COL15A1: variants seen among roughly 807,000 people sequenced by gnomAD.
COL15A1 encodes collagen type XV alpha 1 chain, also known as collagen alpha-1(XV) chain.
In COL15A1, 111 loss-of-function variants were observed where a neutral mutation model predicts 165.9. The ratio of observed to expected loss-of-function variants is 0.67; its 90% confidence interval spans 0.57 to 0.78. The LOEUF (loss-of-function observed/expected upper bound fraction) is 0.78. Ranked by LOEUF, COL15A1 falls within the 30% of genes least tolerant of loss-of-function variation. The probability of loss-of-function intolerance (pLI) is 0.00; values close to 1 mark genes in which losing one functional copy is unlikely to be tolerated. For synonymous variants in COL15A1, 659 were observed against 674.8 expected (o/e 0.98, Z 0.36); for missense variants, 1,745 against 1,789.7 (o/e 0.98, Z 0.45).
intron 2 of COL15A1, among the ~76,000 whole-genome samples, chr9:98,953,058 G>T (rs536520490): frequency 3.9e-5 from 6 of 152,320 alleles, no homozygotes; most frequent in Non-Finnish European, 7.4e-5. Flanking sequence ...TAGATAATGG[G>T]AGTGTACCAG....
At chr9:99,054,071 C>T (rs1187413565) in intron 31 of COL15A1, among the ~76,000 whole-genome samples, 1 of 152,208 alleles carries the variant, frequency 6.6e-6, no homozygotes, top group Admixed American at 6.5e-5. Flanking sequence ...GGATGTACAA[C>T]ACTTCATGGT....
intron 9 of COL15A1, among the ~76,000 whole-genome samples, chr9:99,008,526 A>G (rs1209116969): frequency 6.6e-6 from 1 of 152,252 alleles, no homozygotes; most frequent in Non-Finnish European, 1.5e-5. Flanking sequence ...CTATATTGTA[A>G]GTTAAGAATA....
At chr9:98,993,688 G>A (rs1204033004) in intron 5 of COL15A1, among the ~76,000 whole-genome samples, 1 of 152,172 alleles carries the variant, frequency 6.6e-6, no homozygotes, top group African/African-American at 2.4e-5. Context: ...GGTCCAGAGT[G>A]CACTCAGTCA....
rs1168625942 is a variant in COL15A1, at chr9:98,996,360, C to T, written c.805-574C>T. Among the ~76,000 whole-genome samples, 12 of 152,244 alleles carry T rather than the reference C, an allele frequency of 7.9e-5. No homozygotes were observed. The East Asian group carries it at 1.3e-3, about 17-fold the overall frequency. On this transcript the variant is annotated intron_variant, in intron 5 of 41. Transcript: ENST00000375001. Reference sequence around the variant, plus strand: ...TTTGGAGCCCATGCTAGGATTTCTGCGTAGATCACTGAAGCACTCTGTGTT... The same window carrying T: ...TTTGGAGCCCATGCTAGGATTTCTGTGTAGATCACTGAAGCACTCTGTGTT...
Position 99,009,919 on chromosome 9 carries a change from A to T in COL15A1, c.1353+4869A>T, listed in dbSNP as rs367588930. Reference sequence around the variant, plus strand: ...GCTCCAAGAAAACCTTGTTAATCTGACACAGGGGCCAATATGCTGGTCTTG... The same window carrying T: ...GCTCCAAGAAAACCTTGTTAATCTGTCACAGGGGCCAATATGCTGGTCTTG... On this transcript the variant is annotated intron_variant, in intron 9 of 41. Transcript: ENST00000375001. Among the ~76,000 whole-genome samples the T allele has an allele frequency of 9.5e-4, 144 of 152,342 alleles. 4 individuals carry two copies. In the South Asian group the frequency reaches 0.029, roughly 31 times the overall value.
rs1398662373 is a variant in COL15A1 at position 99,021,023 on chromosome 9, T to TACA, written c.1701+581_1701+582insACA. The stretch of plus-strand genomic sequence containing the variant: ...GTCAGTCACTGCGGGAATAACAAAT[T>TACA]CCTCTTACCAAAACACCTATTGGTG... On this transcript the variant is annotated intron_variant, in intron 12 of 41. Transcript: ENST00000375001. Among the ~76,000 whole-genome samples, 15 of 152,292 alleles carry TACA rather than the reference T, an allele frequency of 9.8e-5. No individual in the cohort carries two copies. The East Asian group carries it at 2.5e-3, about 25-fold the overall frequency.
chr9:98,965,052 G>A (rs553970254), intron 2 of COL15A1, among the ~76,000 whole-genome samples: 2 of 152,316 alleles, frequency 1.3e-5, no homozygotes, highest in East Asian at 1.9e-4. Context: ...CTGAGAGGCT[G>A]CAAGAAAGTA....
rs35236446 is a variant in COL15A1, at chr9:99,069,980, A to AG, written c.*95dup. The stretch of plus-strand genomic sequence containing the variant: ...AATGTTTAATTGTTGTAAATATTAC[A>AG]GTTTTTTTTTTTTACTACATATTCT... On this transcript the variant is annotated 3_prime_UTR_variant, in exon 42 of 42. Transcript: ENST00000375001. 0.018 allele frequency: 11,857 copies of AG among 664,306 alleles called. 23 individuals carry two copies. The highest frequency in any genetic ancestry group is 0.085 in the East Asian group (1,827 of 21,474). The allele number at this position is 664,306 out of a possible 1,614,324, so 41.2% of individuals were successfully genotyped here.
chr9:98,948,801 G>A (rs1309930560), intron 2 of COL15A1, among the ~76,000 whole-genome samples: 3 of 152,156 alleles, frequency 2.0e-5, no homozygotes, highest in Admixed American at 6.5e-5. Context: ...CAAGTAATTT[G>A]CTCTTGCTAA....
chr9:99,067,166 T>G, intron 40 of COL15A1, 99 bp downstream of exon 40: 2 of 1,036,328 alleles, frequency 1.9e-6, no homozygotes, highest in African/African-American at 1.6e-5. Flanking sequence ...GACTGTTGAC[T>G]TAAGCCTGCT....
At chr9:99,061,282 T>C (rs1209538991) in intron 36 of COL15A1, among the ~76,000 whole-genome samples, 2 of 152,262 alleles carry the variant, frequency 1.3e-5, no homozygotes, top group African/African-American at 4.8e-5. Flanking sequence ...TATTTTATAA[T>C]CTTTCTCAGT....
rs140736605 is a variant in COL15A1 at position 99,043,414 on chromosome 9, G to A, written c.2575-1154G>A. 2.8e-3 allele frequency among the ~76,000 whole-genome samples: 425 copies of A among 152,160 alleles called. 2 individuals carry two copies. The highest frequency in any genetic ancestry group is 9.2e-3 in the African/African-American group (381 of 41,494). On this transcript the variant is annotated intron_variant, in intron 24 of 41. Coordinates refer to ENST00000375001, the MANE Select transcript of COL15A1 (RefSeq NM_001855.5). ...TGTTTAAACACTCTGTTTCCTATGT[G>A]GTAAGGTCAGATGGATCTAGAGGGA...
At chr9:99,022,833 T>C (rs1219151429) in intron 13 of COL15A1, among the ~76,000 whole-genome samples, 2 of 152,236 alleles carry the variant, frequency 1.3e-5, no homozygotes, top group Non-Finnish European at 2.9e-5. Flanking sequence ...ATACATTTGA[T>C]GCCATTCAAG....
In COL15A1 at chr9:99,070,574, A is replaced by G. The variant is rs1825968955; in HGVS notation, c.*688A>G. 1 of 420,442 alleles carries G rather than the reference A, an allele frequency of 2.4e-6. No individual in the cohort carries two copies. Among genetic ancestry groups the G allele is most frequent in the South Asian group, 1.7e-5 (1 of 57,760 alleles). 26.0% of individuals were successfully genotyped at this position (420,442 alleles called of 1,614,324 possible). A position where few individuals can be genotyped will look rare whatever the true frequency, so the allele number is the denominator to read the frequency against. The stretch of plus-strand genomic sequence containing the variant: ...TCTGAAACTAGAAAAGAAATAGCAC[A>G]TAATTACTACCTTCCCCTTGGCGGC... On this transcript the variant is annotated 3_prime_UTR_variant, in exon 42 of 42. Coordinates refer to ENST00000375001, the MANE Select transcript of COL15A1 (RefSeq NM_001855.5).
chr9:99,019,842 GC>G (rs1838997147), intron 11 of COL15A1, among the ~76,000 whole-genome samples: 1 of 152,098 alleles, frequency 6.6e-6, no homozygotes, highest in African/African-American at 2.4e-5. Flanking sequence ...TGCAGATGAG[GC>G]CCAGAAAGGA....
intron 15 of COL15A1, 22 bp downstream of exon 15, chr9:99,025,021 C>T: frequency 6.2e-7 from 1 of 1,609,906 alleles, no homozygotes; most frequent in Non-Finnish European, 8.5e-7. Flanking sequence ...AAGTCTTCTC[C>T]CCATCTCTGT....
At chr9:99,014,783 C>T (rs1838900606) in intron 9 of COL15A1, among the ~76,000 whole-genome samples, 1 of 152,216 alleles carries the variant, frequency 6.6e-6, no homozygotes, top group Non-Finnish European at 1.5e-5. Flanking sequence ...AGACATCAAT[C>T]AGTATATATA....
Position 99,047,807 on chromosome 9 carries a change from C to T in COL15A1, c.2701C>T (p.His901Tyr), listed in dbSNP as rs769630855. 1 of 1,614,082 alleles carries T rather than the reference C, an allele frequency of 6.2e-7. No homozygotes were observed. The highest frequency in any genetic ancestry group is 8.5e-7 in the Non-Finnish European group (1 of 1,179,998). ...CTAGGGGCCCAAAGGACCACCAGGACATAAAGGAGAATTTGGCCTTCCCGG... is the reference window on the plus strand; with the variant it reads ...CTAGGGGCCCAAAGGACCACCAGGATATAAAGGAGAATTTGGCCTTCCCGG... Reference protein sequence around the residue: ...GPMGPKGPPGHKGEFGLPGRP... With the variant: ...GPMGPKGPPGYKGEFGLPGRP... Residue 901 changes from histidine to tyrosine, a missense_variant, in exon 27 of 42, where the codon CAT (histidine) becomes TAT (tyrosine). Transcript: ENST00000375001.
chr9:99,057,411 A>G (rs902162374), intron 35 of COL15A1, among the ~76,000 whole-genome samples: 5 of 152,228 alleles, frequency 3.3e-5, no homozygotes, highest in African/African-American at 1.2e-4. Flanking sequence ...GGAACTCTGT[A>G]TATAAAAATC....
Sources: allele counts gnomAD v4.1 joint callset (sites outside exome capture counted in the v4.1 genomes callset), GRCh38; gene constraint gnomAD v4.1.1; transcripts MANE v1.5; gene names NCBI Gene and HGNC (gene_info 2026-07-23, HGNC 2026-07-21).